Variants in PARD3 observed in about 807,000 individuals in gnomAD.
PARD3 encodes partitioning defective 3 homolog.
In PARD3, 75 loss-of-function variants were observed where a neutral mutation model predicts 155.4. The ratio of observed to expected loss-of-function variants is 0.48; its 90% CI spans 0.40 to 0.58. PARD3 has a LOEUF of 0.58. Among genes scored for constraint, PARD3 ranks in the 20% least tolerant of loss-of-function variants. The pLI is 0.00. For missense variants in PARD3, 1,642 were observed against 1,721.7 expected, an observed-to-expected ratio of 0.95 and a Z score of 0.82; for synonymous variants, 576 against 610.5, an observed-to-expected ratio of 0.94 and a Z score of 0.83.
chr10:34,227,881 T>TATATATATATATATATACATAC (rs1199483392), intron 22 of PARD3, among the ~76,000 whole-genome samples: 1 of 133,738 alleles, frequency 7.5e-6, no homozygotes, highest in African/African-American at 2.9e-5. Context: ...TATATATATA[T>TATATATATATATATATACATAC]ATACTGGGAA....
chr10:34,184,499 C>G (rs568912402), intron 22 of PARD3, among the ~76,000 whole-genome samples: 1 of 152,266 alleles, frequency 6.6e-6, no homozygotes, highest in African/African-American at 2.4e-5. Context: ...TGTAGATCCA[C>G]AAGCCGGGGG....
At chr10:34,620,316 A>G (rs939806520) in intron 2 of PARD3, among the ~76,000 whole-genome samples, 1 of 152,178 alleles carries the variant, frequency 6.6e-6, no homozygotes, top group African/African-American at 2.4e-5. Context: ...GATCCCATTT[A>G]TAAGGTCCAA....
At chr10:34,678,064 A>G in intron 2 of PARD3, among the ~76,000 whole-genome samples, 1 of 151,914 alleles carries the variant, frequency 6.6e-6, no homozygotes, top group African/African-American at 2.4e-5. Flanking sequence ...TAATTTATTT[A>G]TTTATTTATT....
In PARD3 at chr10:34,417,676, C is replaced by T. The variant is rs370056669; in HGVS notation, c.715-15759G>A. The stretch of plus-strand genomic sequence containing the variant: ...CATTTATCTTAATGGTTTTCAATTA[C>T]CAACTGCATTTACTACTGTTCAGCT... On this transcript the variant is annotated intron_variant, in intron 5 of 24. Coordinates refer to ENST00000374788, the MANE Select transcript of PARD3 (RefSeq NM_001184785.2). Among the ~76,000 whole-genome samples the T allele has an allele frequency of 6.6e-5, 10 of 152,228 alleles. No homozygotes were observed. In the South Asian group the frequency reaches 1.9e-3, roughly 28 times the overall value.
At chr10:34,562,590 A>C (rs1459571043) in intron 2 of PARD3, among the ~76,000 whole-genome samples, 2 of 152,164 alleles carry the variant, frequency 1.3e-5, no homozygotes, top group Admixed American at 6.5e-5. Flanking sequence ...ATTTCATGGG[A>C]CAATTCCCAC....
intron 1 of PARD3, among the ~76,000 whole-genome samples, chr10:34,784,345 CAT>C (rs1165885631): frequency 1.3e-5 from 2 of 152,252 alleles, no homozygotes; most frequent in East Asian, 3.9e-4. Flanking sequence ...AAAAGACCCA[CAT>C]GTTTTAGGAT....
intron 3 of PARD3, among the ~76,000 whole-genome samples, chr10:34,505,173 T>A (rs762871287): frequency 2.2e-4 from 34 of 152,252 alleles, no homozygotes; most frequent in Non-Finnish European, 3.8e-4. Context: ...TGCTTTGATT[T>A]AAACAGGCTT....
intron 22 of PARD3, among the ~76,000 whole-genome samples, chr10:34,252,386 A>G (rs535044782): frequency 1.2e-4 from 17 of 146,408 alleles, no homozygotes; most frequent in African/African-American, 3.5e-4. Flanking sequence ...CCAACTTGTT[A>G]TCTCCTCGTC....
At chr10:34,376,118 C>A (rs1841207891) in intron 10 of PARD3, among the ~76,000 whole-genome samples, 3 of 152,094 alleles carry the variant, frequency 2.0e-5, no homozygotes, top group African/African-American at 7.2e-5. Context: ...TTCTAATTAT[C>A]TAGACACTCA....
At chr10:34,750,949 A>C (rs979245489) in intron 1 of PARD3, among the ~76,000 whole-genome samples, 1 of 152,130 alleles carries the variant, frequency 6.6e-6, no homozygotes, top group Non-Finnish European at 1.5e-5. Flanking sequence ...TCACCCTCCC[A>C]AAGTGCTGTG....
chr10:34,347,310 T>C (rs1837533479), intron 15 of PARD3, among the ~76,000 whole-genome samples: 1 of 152,214 alleles, frequency 6.6e-6, no homozygotes. Context: ...ATGAACTGGA[T>C]CTGTTAGTAG....
At chr10:34,402,069 G>A (rs1018570701) in intron 5 of PARD3, 152 bp from the exon 6 acceptor site, 2 of 679,052 alleles carry the variant, frequency 2.9e-6, no homozygotes, top group Admixed American at 2.4e-5. Flanking sequence ...CAGGATCAGT[G>A]TGTGTTGTAA....
intron 1 of PARD3, among the ~76,000 whole-genome samples, chr10:34,757,503 G>C (rs991785162): frequency 9.9e-5 from 15 of 152,198 alleles, no homozygotes; most frequent in African/African-American, 3.4e-4. Context: ...CCAGGAGTTC[G>C]AGAGCAACCT....
Position 34,119,747 on chromosome 10 carries a change from G to A in PARD3, c.3541-7C>T, listed in dbSNP as rs1946882511. 6.2e-7 allele frequency: 1 copy of A among 1,609,226 alleles called. No homozygotes were observed. The highest frequency in any genetic ancestry group is 1.3e-5 in the African/African-American group (1 of 74,874). ...TCGCCGGCCGTGCGTTCGGCTGGAAGAGGAAAATACAAGCACATCGTTAAC... is the reference window on the plus strand; with the variant it reads ...TCGCCGGCCGTGCGTTCGGCTGGAAAAGGAAAATACAAGCACATCGTTAAC... On this transcript the variant is annotated splice_polypyrimidine_tract_variant and splice_region_variant and intron_variant, in intron 23 of 24. Transcript: ENST00000374788.
intron 20 of PARD3, among the ~76,000 whole-genome samples, chr10:34,285,203 A>G (rs938986861): frequency 2.6e-5 from 4 of 152,250 alleles, no homozygotes; most frequent in Admixed American, 2.6e-4. Flanking sequence ...AGAAATAATT[A>G]AAGTATATTG....
intron 1 of PARD3, among the ~76,000 whole-genome samples, chr10:34,763,108 G>A (rs1837654491): frequency 6.6e-6 from 1 of 152,184 alleles, no homozygotes; most frequent in Non-Finnish European, 1.5e-5. Flanking sequence ...CACAATGACT[G>A]GAGGTCACTG....
At chr10:34,628,650 G>A (rs1181191087) in intron 2 of PARD3, among the ~76,000 whole-genome samples, 2 of 152,226 alleles carry the variant, frequency 1.3e-5, no homozygotes, top group Non-Finnish European at 2.9e-5. Context: ...ACGCCTGAGA[G>A]ACAGAGGCCA....
intron 1 of PARD3, among the ~76,000 whole-genome samples, chr10:34,773,362 C>G (rs1393769845): frequency 6.6e-6 from 1 of 152,182 alleles, no homozygotes; most frequent in African/African-American, 2.4e-5. Flanking sequence ...ATAACCGTGG[C>G]TGACTTCACC....
chr10:34,606,044 T>TCC (rs1302839546), intron 2 of PARD3, among the ~76,000 whole-genome samples: 17 of 136,828 alleles, frequency 1.2e-4, no homozygotes, highest in African/African-American at 4.4e-4. Flanking sequence ...TATATATATC[T>TCC]TCTATATATA....
Sources: allele counts gnomAD v4.1 joint callset (sites outside exome capture counted in the v4.1 genomes callset), GRCh38; gene constraint gnomAD v4.1.1; transcripts MANE v1.5; gene names NCBI Gene and HGNC (gene_info 2026-07-23, HGNC 2026-07-21).